EFCAB5: variants seen among roughly 807,000 people sequenced by gnomAD.
EFCAB5 encodes the protein EF-hand calcium-binding domain-containing protein 5.
A neutral mutation model predicts 167.9 loss-of-function variants in EFCAB5; 131 were observed. The ratio of observed to expected loss-of-function variants is 0.78; its 90% CI spans 0.68 to 0.90. The LOEUF is 0.90. EFCAB5 is among the 40% of genes least tolerant of loss of function. EFCAB5 has a pLI of 0.00. For missense variants in EFCAB5, 1,663 were observed against 1,745.2 expected, an observed-to-expected ratio of 0.95 and a Z score of 0.84; for synonymous variants, 574 against 602.8, an observed-to-expected ratio of 0.95 and a Z score of 0.70.
At chr17:29,936,450 TATA>T (rs2067246168) in intron 1 of EFCAB5, among the ~76,000 whole-genome samples, 1 of 152,064 alleles carries the variant, frequency 6.6e-6, no homozygotes, top group Admixed American at 6.5e-5. Flanking sequence ...GAACTTAAAG[TATA>T]ATAATAATAA....
chr17:30,029,763 T>A (rs948348264), intron 7 of EFCAB5, among the ~76,000 whole-genome samples: 8 of 152,184 alleles, frequency 5.3e-5, no homozygotes, highest in Non-Finnish European at 8.8e-5. Flanking sequence ...AGATAGATAG[T>A]TTCCAAACAT....
chr17:29,986,522 C>A lies in EFCAB5; in HGVS notation c.768-6643C>A, dbSNP rs1326105608. Among the ~76,000 whole-genome samples the A allele has an allele frequency of 2.0e-5, 3 of 152,094 alleles. No individual in the cohort carries two copies. In the East Asian group the frequency reaches 5.8e-4, roughly 29 times the overall value. On this transcript the variant is annotated intron_variant, in intron 4 of 22. Coordinates refer to ENST00000394835, the MANE Select transcript of EFCAB5 (RefSeq NM_198529.4). ...GGAATCGTTGTGCAGCACCTCTCTG[C>A]CTGTTCTGCAGTGCAATCTTCCCAA...
chr17:30,078,020 C>A (rs548421216), intron 14 of EFCAB5, among the ~76,000 whole-genome samples, 195 bp from the exon 15 acceptor site: 1 of 152,190 alleles, frequency 6.6e-6, no homozygotes, highest in Non-Finnish European at 1.5e-5. Context: ...GAAGCTGACA[C>A]AGGAGTCATA....
At chr17:30,026,720 T>C (rs1371740848) in intron 7 of EFCAB5, among the ~76,000 whole-genome samples, 1 of 152,068 alleles carries the variant, frequency 6.6e-6, no homozygotes, top group Non-Finnish European at 1.5e-5. Flanking sequence ...CCTTCTAGTA[T>C]AGAGAGGGCA....
chr17:30,073,253 C>G, intron 14 of EFCAB5: 2 of 637,226 alleles, frequency 3.1e-6, no homozygotes, highest in Non-Finnish European at 5.7e-6. Flanking sequence ...GATGGGGTCT[C>G]TCTGTGTTGC....
chr17:30,015,509 A>G (rs947105590), intron 7 of EFCAB5, among the ~76,000 whole-genome samples: 1 of 152,182 alleles, frequency 6.6e-6, no homozygotes, highest in African/African-American at 2.4e-5. Context: ...ATGAAGCGAG[A>G]AGAGAAGTTT....
intron 3 of EFCAB5, among the ~76,000 whole-genome samples, chr17:29,948,126 T>C (rs1385845934): frequency 6.6e-6 from 1 of 152,224 alleles, no homozygotes; most frequent in Non-Finnish European, 1.5e-5. Flanking sequence ...GCGCCTGGCC[T>C]AAATTAACTC....
At chr17:30,083,260 G>A (rs2151838552) in intron 18 of EFCAB5, among the ~76,000 whole-genome samples, 1 of 152,328 alleles carries the variant, frequency 6.6e-6, no homozygotes, top group East Asian at 1.9e-4. Flanking sequence ...AATGAAGACA[G>A]GGCAGGAGTC....
At chr17:30,093,266 A>T (rs1194550617) in intron 22 of EFCAB5, among the ~76,000 whole-genome samples, 1 of 152,232 alleles carries the variant, frequency 6.6e-6, no homozygotes, top group East Asian at 1.9e-4. Flanking sequence ...AACCAAAGAA[A>T]ATAATAGACT....
chr17:30,083,731 G>A (rs2071034813), intron 18 of EFCAB5, among the ~76,000 whole-genome samples: 1 of 152,202 alleles, frequency 6.6e-6, no homozygotes, highest in African/African-American at 2.4e-5. Flanking sequence ...TAGAATTACA[G>A]GCGTGAGCCA....
intron 3 of EFCAB5, among the ~76,000 whole-genome samples, chr17:29,961,816 C>A (rs2067725490): frequency 6.6e-6 from 1 of 152,082 alleles, no homozygotes; most frequent in Non-Finnish European, 1.5e-5. Flanking sequence ...CTGGGAAAGT[C>A]ATATCGTTTA....
chr17:30,061,816 C>T (rs1369646183), intron 14 of EFCAB5, among the ~76,000 whole-genome samples: 1 of 152,182 alleles, frequency 6.6e-6, no homozygotes. Context: ...GATCCTCCTG[C>T]CTCAGTCTCC....
At chr17:29,989,808 T>C (rs1320990334) in intron 4 of EFCAB5, among the ~76,000 whole-genome samples, 1 of 152,178 alleles carries the variant, frequency 6.6e-6, no homozygotes, top group Admixed American at 6.5e-5. Flanking sequence ...TCTATCCAAA[T>C]TGGCTTATCT....
intron 8 of EFCAB5, among the ~76,000 whole-genome samples, chr17:30,038,198 T>A (rs954031800): frequency 6.6e-6 from 1 of 152,180 alleles, no homozygotes; most frequent in Non-Finnish European, 1.5e-5. Context: ...CTTCAAAGCT[T>A]CAAAGGCCTA....
intron 8 of EFCAB5, among the ~76,000 whole-genome samples, chr17:30,043,904 C>T (rs1820149336): frequency 6.6e-6 from 1 of 152,144 alleles, no homozygotes; most frequent in African/African-American, 2.4e-5. Flanking sequence ...TTTCAAAGGA[C>T]TCACAACAGC....
intron 4 of EFCAB5, among the ~76,000 whole-genome samples, chr17:29,975,909 A>G (rs1360758471): frequency 6.6e-6 from 1 of 152,184 alleles, no homozygotes; most frequent in Non-Finnish European, 1.5e-5. Context: ...TTGCACACTA[A>G]AGTTTCAAGA....
intron 6 of EFCAB5, among the ~76,000 whole-genome samples, chr17:29,997,994 A>G (rs1171244310): frequency 6.6e-6 from 1 of 151,594 alleles, no homozygotes; most frequent in Non-Finnish European, 1.5e-5. Flanking sequence ...CCTGAGATTT[A>G]CATAATTAAT....
intron 7 of EFCAB5, among the ~76,000 whole-genome samples, chr17:30,006,485 T>C (rs544864778): frequency 1.4e-4 from 21 of 152,256 alleles, no homozygotes; most frequent in African/African-American, 4.8e-4. Context: ...CTAACTTAAT[T>C]TTTTCCCCCT....
chr17:29,955,332 T>C (rs531628548), intron 3 of EFCAB5, among the ~76,000 whole-genome samples: 76 of 152,262 alleles, frequency 5.0e-4, no homozygotes, highest in African/African-American at 1.6e-3. Context: ...TGGGAGTTAA[T>C]TGAATCATAG....
Sources: allele counts gnomAD v4.1 joint callset (sites outside exome capture counted in the v4.1 genomes callset), GRCh38; gene constraint gnomAD v4.1.1; transcripts MANE v1.5; gene names NCBI Gene and HGNC (gene_info 2026-07-23, HGNC 2026-07-21).